SLC44A5: variants seen among roughly 807,000 people sequenced by gnomAD.
SLC44A5 encodes the protein solute carrier family 44 member 5.
A neutral mutation model predicts 101.8 loss-of-function variants in SLC44A5; 57 were observed. The observed-to-expected ratio is 0.56, with a 90% CI of 0.45 to 0.70. The LOEUF is 0.70. Ranked by LOEUF, SLC44A5 falls within the 30% of genes least tolerant of loss-of-function variation. SLC44A5 has a pLI of 0.00. For synonymous variants in SLC44A5, 281 were observed against 290.9 expected, an observed-to-expected ratio of 0.97 and a Z score of 0.35; for missense variants, 737 against 853.1, an observed-to-expected ratio of 0.86 and a Z score of 1.70.
intron 3 of SLC44A5, among the ~76,000 whole-genome samples, chr1:75,375,861 T>A (rs1015481886): frequency 1.3e-5 from 2 of 152,348 alleles, no homozygotes; most frequent in East Asian, 3.9e-4. Flanking sequence ...GAACAGCTCC[T>A]GTCTACAGCT....
Position 75,410,480 on chromosome 1 carries a change from T to G in SLC44A5, c.14-13859A>C, listed in dbSNP as rs116457030. Among the ~76,000 whole-genome samples, 369 of 152,234 alleles carry G rather than the reference T, an allele frequency of 2.4e-3. 3 individuals carry two copies. Among genetic ancestry groups the G allele is most frequent in the African/African-American group, 8.5e-3 (355 of 41,552 alleles). ...TGAAGAAGACCCATGTGGTATCAAC[T>G]CAAGTGAAGTCATCTTAAATAAACC... is the stretch of plus-strand genomic sequence containing the variant. On this transcript the variant is annotated intron_variant, in intron 2 of 23. Transcript: ENST00000370859.
chr1:75,442,641 C>T (rs1471658276), intron 2 of SLC44A5, among the ~76,000 whole-genome samples: 1 of 152,156 alleles, frequency 6.6e-6, no homozygotes, highest in African/African-American at 2.4e-5. Context: ...TTTCCACTGA[C>T]TCCCACCATG....
the SLC44A5 span, among the ~76,000 whole-genome samples, chr1:75,625,385 A>C: frequency 2.0e-5 from 3 of 152,170 alleles, no homozygotes; most frequent in African/African-American, 7.2e-5. Context: ...CAAAAACTGA[A>C]GAAAGATCCC....
At chr1:75,643,324 C>A in the SLC44A5 span, among the ~76,000 whole-genome samples, 3 of 152,098 alleles carry the variant, frequency 2.0e-5, no homozygotes, top group Non-Finnish European at 2.9e-5. Context: ...AGACCCCAGA[C>A]TATTGTTAAA....
At chr1:75,361,346 T>C (rs934542617) in intron 3 of SLC44A5, among the ~76,000 whole-genome samples, 1 of 152,124 alleles carries the variant, frequency 6.6e-6, no homozygotes, top group African/African-American at 2.4e-5. Context: ...TAGAGTTATG[T>C]TGAAAAGAAG....
At chr1:75,404,002 T>C (rs1283735584) in intron 2 of SLC44A5, among the ~76,000 whole-genome samples, 2 of 151,878 alleles carry the variant, frequency 1.3e-5, no homozygotes, top group East Asian at 3.9e-4. Context: ...GGGAAGAATA[T>C]AAATGACATG....
At position 75,222,389 on chromosome 1, in the gene SLC44A5, C is replaced by T. The variant is rs1177292269; in HGVS notation, c.1057G>A (p.Ala353Thr). The stretch of plus-strand genomic sequence containing the variant: ...CTTCCTTCCTTCAGCAGGATAATGG[C>T]GACTCGGATTCGATTCCTGAGGAAG... ...LIFLRNRIRV[A>T]IILLKEGSKA... Residue 353 changes from alanine to threonine, a missense_variant, in exon 14 of 24, where the codon GCC becomes ACC. Around this residue, in one of 3 missense-constraint regions of SLC44A5, gnomAD observed 665 missense variants for 764.4 expected, o/e 0.87. Coordinates refer to ENST00000370859, the MANE Select transcript of SLC44A5 (RefSeq NM_001130058.2). 25 of 1,613,396 alleles carry T rather than the reference C, an allele frequency of 1.5e-5. No homozygotes were observed. Among genetic ancestry groups the T allele is most frequent in the African/African-American group, 5.3e-5 (4 of 74,860 alleles).
intron 4 of SLC44A5, among the ~76,000 whole-genome samples, chr1:75,316,277 T>C (rs532625299): frequency 6.6e-6 from 1 of 152,360 alleles, no homozygotes; most frequent in Admixed American, 6.5e-5. Flanking sequence ...TTACCTGTTT[T>C]TGACATTTAA....
chr1:75,560,448 T>C (rs775220263), intron 1 of SLC44A5, among the ~76,000 whole-genome samples: 6 of 151,966 alleles, frequency 3.9e-5, no homozygotes, highest in African/African-American at 1.5e-4. Flanking sequence ...GAATGGAGAG[T>C]GACTGCTAAT....
intron 3 of SLC44A5, among the ~76,000 whole-genome samples, chr1:75,386,465 T>G (rs1351408740): frequency 1.3e-5 from 2 of 152,054 alleles, no homozygotes; most frequent in Non-Finnish European, 2.9e-5. Context: ...CACAATTGCT[T>G]CAAAGAGAAT....
chr1:75,601,136 G>C (rs1030270950), intron 1 of SLC44A5, among the ~76,000 whole-genome samples: 1 of 152,156 alleles, frequency 6.6e-6, no homozygotes, highest in Non-Finnish European at 1.5e-5. Flanking sequence ...ACATTTCAGA[G>C]AAATTTATCC....
At chr1:75,304,293 G>GGTGTGT (rs71081327) in intron 4 of SLC44A5, among the ~76,000 whole-genome samples, 341 of 65,464 alleles carry the variant, frequency 5.2e-3, no homozygotes, top group African/African-American at 0.018. Context: ...TTTTTAAATA[G>GGTGTGT]GTGTGTGTGT....
chr1:75,282,436 A>C (rs941278922), intron 5 of SLC44A5, among the ~76,000 whole-genome samples: 7 of 152,196 alleles, frequency 4.6e-5, no homozygotes, highest in South Asian at 2.1e-4. Flanking sequence ...CTTTTGGGTT[A>C]ATGATGAAAT....
At chr1:75,235,412 G>A (rs1424495625) in intron 11 of SLC44A5, among the ~76,000 whole-genome samples, 1 of 151,848 alleles carries the variant, frequency 6.6e-6, no homozygotes, top group Non-Finnish European at 1.5e-5. Flanking sequence ...GAGGTAGGCA[G>A]GATAATCTAT....
At chr1:75,511,731 A>C (rs551681415) in intron 2 of SLC44A5, among the ~76,000 whole-genome samples, 1 of 152,322 alleles carries the variant, frequency 6.6e-6, no homozygotes, top group South Asian at 2.1e-4. Flanking sequence ...TACATCTTTA[A>C]GGCTAGCCTG....
At chr1:75,204,252 T>A (rs1646711961) in intron 23 of SLC44A5, among the ~76,000 whole-genome samples, 1 of 152,216 alleles carries the variant, frequency 6.6e-6, no homozygotes, top group African/African-American at 2.4e-5. Flanking sequence ...TTCAAACACA[T>A]CAACTGCAAA....
the SLC44A5 span, chr1:75,720,323 G>A: frequency 6.6e-6 from 1 of 152,192 alleles, no homozygotes; most frequent in Non-Finnish European, 1.5e-5. Context: ...AGACTTTGGA[G>A]CGTAGGTCTG....
At chr1:75,683,219 C>A in the SLC44A5 span, among the ~76,000 whole-genome samples, 4 of 151,540 alleles carry the variant, frequency 2.6e-5, no homozygotes, top group South Asian at 8.4e-4. Context: ...GGATCTAGAA[C>A]TAGAAATACC....
chr1:75,565,016 C>A (rs1254991288), intron 1 of SLC44A5, among the ~76,000 whole-genome samples: 2 of 152,146 alleles, frequency 1.3e-5, no homozygotes, highest in Non-Finnish European at 2.9e-5. Flanking sequence ...ATTTTAATAT[C>A]TGCAAATGAC....
Sources: allele counts gnomAD v4.1 joint callset (sites outside exome capture counted in the v4.1 genomes callset), GRCh38; gene constraint gnomAD v4.1.1; regional missense constraint gnomAD v4.1.1; transcripts MANE v1.5; gene names NCBI Gene and HGNC (gene_info 2026-07-23, HGNC 2026-07-21).